Variants in EFL1 observed in about 807,000 individuals in gnomAD.
EFL1 encodes elongation factor like GTPase 1.
Under a neutral mutation model 126.7 loss-of-function variants are expected in EFL1, and 76 were observed. That is an observed-to-expected ratio of 0.60 (90% CI 0.50 to 0.73). The LOEUF (loss-of-function observed/expected upper bound fraction) is 0.73. Ranked by LOEUF, EFL1 falls within the 30% of genes least tolerant of loss-of-function variation. EFL1 has a pLI of 0.00. For synonymous variants in EFL1, 410 were observed against 448.4 expected, an observed-to-expected ratio of 0.91 and a Z score of 1.08; for missense variants, 1,128 against 1,343.2, an observed-to-expected ratio of 0.84 and a Z score of 2.50.
At position 82,178,981 on chromosome 15, in the gene EFL1, T is replaced by TA. The variant is rs546826512; in HGVS notation, c.1751-14998dup. ...ACTCTGTCTCAAAACAAATAAAAAA[T>TA]AAAAAAATAAAAATTACCCAGGCAT... is the stretch of plus-strand genomic sequence containing the variant. On this transcript the variant is annotated intron_variant, in intron 15 of 19. Transcript: ENST00000268206. Among the ~76,000 whole-genome samples the TA allele has an allele frequency of 1.8e-3, 270 of 151,648 alleles. 2 individuals are homozygous for TA. The highest frequency in any genetic ancestry group is 0.014 in the Admixed American group (208 of 15,228).
intron 15 of EFL1, among the ~76,000 whole-genome samples, chr15:82,207,919 C>G (rs1054766317): frequency 1.1e-4 from 16 of 152,070 alleles, no homozygotes; most frequent in Non-Finnish European, 2.2e-4. Context: ...TGGGGTTTCA[C>G]CATGTTGGCC....
intron 15 of EFL1, among the ~76,000 whole-genome samples, chr15:82,187,681 T>C (rs1388137255): frequency 1.3e-5 from 2 of 152,174 alleles, no homozygotes; most frequent in Non-Finnish European, 2.9e-5. Context: ...TGTCAAATTC[T>C]GGAAGGCATG....
At chr15:82,197,031 TAA>T (rs201704769) in intron 15 of EFL1, among the ~76,000 whole-genome samples, 30 of 127,084 alleles carry the variant, frequency 2.4e-4, no homozygotes, top group Admixed American at 3.2e-4. Context: ...AACTCCAACT[TAA>T]AAAAAAAAAA....
chr15:82,212,857 C>T lies in EFL1; in HGVS notation c.1750+1860G>A, dbSNP rs565651927. Among the ~76,000 whole-genome samples, 10 of 152,352 alleles carry T rather than the reference C, an allele frequency of 6.6e-5. No individual in the cohort carries two copies. In the East Asian group the frequency reaches 1.9e-3, roughly 29 times the overall value. ...AAAATGAGCATATATACAGAAGTCACTAGAGAGGCATTTCTTTCCAAATAA... is the reference window on the plus strand; with the variant it reads ...AAAATGAGCATATATACAGAAGTCATTAGAGAGGCATTTCTTTCCAAATAA... On this transcript the variant is annotated intron_variant, in intron 15 of 19. Coordinates refer to ENST00000268206, the MANE Select transcript of EFL1 (RefSeq NM_024580.6).
chr15:82,230,727 A>C, intron 8 of EFL1, 121 bp downstream of exon 8: 1 of 1,206,238 alleles, frequency 8.3e-7, no homozygotes, highest in Non-Finnish European at 1.1e-6. Flanking sequence ...ACAGTAAAAA[A>C]TCCCTCATGA....
At chr15:82,204,416 C>CAA (rs931510123) in intron 15 of EFL1, among the ~76,000 whole-genome samples, 3 of 152,086 alleles carry the variant, frequency 2.0e-5, no homozygotes, top group Admixed American at 1.3e-4. Flanking sequence ...AACCAATTTA[C>CAA]CCCTGTCTTA....
At chr15:82,231,012 T>G (rs761194049) in intron 7 of EFL1, 41 bp from the exon 8 acceptor site, 6 of 1,600,048 alleles carry the variant, frequency 3.7e-6, no homozygotes, top group Non-Finnish European at 4.3e-6. Flanking sequence ...ATAACAACGA[T>G]TATTGATTTC....
At chr15:82,258,948 G>A in intron 3 of EFL1, 140 bp downstream of exon 3, 1 of 736,514 alleles carries the variant, frequency 1.4e-6, no homozygotes, top group Non-Finnish European at 2.3e-6. Flanking sequence ...TTTTTATCTT[G>A]CAAAATGGAT....
At chr15:82,189,470 A>C (rs2074336096) in intron 15 of EFL1, among the ~76,000 whole-genome samples, 1 of 152,186 alleles carries the variant, frequency 6.6e-6, no homozygotes, top group Admixed American at 6.5e-5. Context: ...CCAAGAAGAG[A>C]TGCTTGATGT....
In EFL1 at chr15:82,235,908, A is replaced by G. The variant is rs544467853; in HGVS notation, c.731+2399T>C. 1.5e-3 allele frequency among the ~76,000 whole-genome samples: 222 copies of G among 152,284 alleles called. 1 individual carries two copies. The highest frequency in any genetic ancestry group is 5.1e-3 in the African/African-American group (210 of 41,562). On this transcript the variant is annotated intron_variant, in intron 7 of 19. Coordinates refer to ENST00000268206, the MANE Select transcript of EFL1 (RefSeq NM_024580.6). The stretch of plus-strand genomic sequence containing the variant: ...AAAGGAAAAAAATACAACAACCCCT[A>G]TTTGCAGACATGATAGTCTCATAGC...
intron 15 of EFL1, among the ~76,000 whole-genome samples, chr15:82,165,250 A>T (rs1289413948): frequency 6.6e-6 from 1 of 152,106 alleles, no homozygotes; most frequent in Non-Finnish European, 1.5e-5. Context: ...AGGAAAGGAT[A>T]GGACAGGAGA....
intron 3 of EFL1, among the ~76,000 whole-genome samples, chr15:82,258,441 C>G (rs1402491082): frequency 6.6e-6 from 1 of 152,074 alleles, no homozygotes; most frequent in African/African-American, 2.4e-5. Context: ...GTCCCAGGTA[C>G]CCAAGAGGCT....
chr15:82,218,884 C>T (rs1407948484), intron 14 of EFL1, among the ~76,000 whole-genome samples: 2 of 152,144 alleles, frequency 1.3e-5, no homozygotes, highest in Non-Finnish European at 2.9e-5. Context: ...TTCTCTCTCA[C>T]TTGTAGCCAA....
At chr15:82,156,708 T>C (rs1488942325) in intron 17 of EFL1, among the ~76,000 whole-genome samples, 1 of 152,228 alleles carries the variant, frequency 6.6e-6, no homozygotes, top group Non-Finnish European at 1.5e-5. Flanking sequence ...TTATTTAATA[T>C]ATGACTATAT....
chr15:82,245,145 C>CT (rs995948156), intron 4 of EFL1, among the ~76,000 whole-genome samples: 10 of 151,842 alleles, frequency 6.6e-5, no homozygotes, highest in Admixed American at 5.9e-4. Flanking sequence ...GGAAATACTA[C>CT]TTTTTTTTGT....
Position 82,230,918 on chromosome 15 carries a change from A to G in EFL1, c.785T>C (p.Val262Ala). ...ATCTCCCCACAAGGTTTTCATAAGA[A>G]CTTCCTTTTTGATGCCAATTTTTTG... ...YSQKIGIKKE[V>A]LMKTLWGDYY... Residue 262 changes from valine to alanine, a missense_variant, in exon 8 of 20, where the codon GTT becomes GCT. Around this residue, in one of 6 missense-constraint regions of EFL1, gnomAD observed 316 missense variants for 318.5 expected, o/e 0.99. Coordinates refer to ENST00000268206, the MANE Select transcript of EFL1 (RefSeq NM_024580.6). 2 of 1,613,460 alleles carry G rather than the reference A, an allele frequency of 1.2e-6. No homozygotes were observed. Among genetic ancestry groups the G allele is most frequent in the Non-Finnish European group, 1.7e-6 (2 of 1,179,642 alleles).
chr15:82,250,929 T>C (rs1159592381), intron 4 of EFL1, among the ~76,000 whole-genome samples: 1 of 152,102 alleles, frequency 6.6e-6, no homozygotes, highest in East Asian at 1.9e-4. Context: ...AAAGCATACC[T>C]GGCTGGGCGC....
In EFL1 at chr15:82,227,471, C is replaced by T. The variant is rs764609315; in HGVS notation, c.1171G>A (p.Glu391Lys). ...TCACCTGCTTTCAGTGCTTGAGTTT[C>T]TGGTGGAAAAGAGTCAAAAGTTTGT... is the stretch of plus-strand genomic sequence containing the variant. ...GSQTFDSFPP[E>K]TQALKAAFMK... The change falls in exon 11 of 20, where the codon GAA becomes AAA. Residue 391 changes from glutamate to lysine, a missense_variant. By Grantham distance (56) the Glu-to-Lys change is moderately conservative (BLOSUM62 1). Transcript: ENST00000268206. 2 of 1,614,140 alleles carry T rather than the reference C, an allele frequency of 1.2e-6. No homozygotes were observed. The highest frequency in any genetic ancestry group is 1.7e-6 in the Non-Finnish European group (2 of 1,180,000).
At chr15:82,254,413 A>G (rs947259855) in intron 3 of EFL1, among the ~76,000 whole-genome samples, 3 of 152,178 alleles carry the variant, frequency 2.0e-5, no homozygotes, top group African/African-American at 7.2e-5. Context: ...CGTGTAATAC[A>G]TAAATAACAA....
Sources: gnomAD v4.1 joint callset for allele counts (sites outside exome capture counted in the v4.1 genomes callset) on GRCh38, gnomAD v4.1.1 for gene constraint, gnomAD v4.1.1 regional missense constraint, MANE v1.5 for transcripts, NCBI Gene and HGNC (gene_info 2026-07-23, HGNC 2026-07-21) for gene names.